RPAP1: variants seen among roughly 807,000 people sequenced by gnomAD.
RPAP1 encodes the protein RNA polymerase II associated protein 1.
Under a neutral mutation model 142.4 loss-of-function variants are expected in RPAP1, and 109 were observed. The ratio of observed to expected loss-of-function variants is 0.77; its 90% CI spans 0.66 to 0.90. The LOEUF (loss-of-function observed/expected upper bound fraction) is 0.90. RPAP1 is among the 40% of genes least tolerant of loss of function. The probability of loss-of-function intolerance (pLI) is 0.00; values close to 1 mark genes in which losing one functional copy is unlikely to be tolerated. For missense variants in RPAP1, 1,546 were observed against 1,751.7 expected (o/e 0.88, Z 2.10); for synonymous variants, 704 against 738.9 (o/e 0.95, Z 0.77).
rs765913236 is a variant in RPAP1 at position 41,523,967 on chromosome 15, G to T, written c.2240C>A (p.Ser747Tyr). ...GSTPAETISD[S>Y]AEASLSATPS... is the part of the protein sequence containing the mutation. ...GGTGGCCGAGAGGCTGGCCTCAGCAGAATCACTACAAAAGTGCCAAAGGGT... is the reference window on the plus strand; with the variant it reads ...GGTGGCCGAGAGGCTGGCCTCAGCATAATCACTACAAAAGTGCCAAAGGGT... Residue 747 changes from serine to tyrosine, a missense_variant, in exon 17 of 25, where the codon TCT (serine) becomes TAT (tyrosine). This residue lies in a region of RPAP1 where 1,333 missense variants were observed against 1,486.6 expected (regional missense o/e 0.90). Transcript: ENST00000304330. 13 of 1,613,346 alleles carry T rather than the reference G, an allele frequency of 8.1e-6. No homozygotes were observed. The highest frequency in any genetic ancestry group is 1.0e-5 in the Non-Finnish European group (12 of 1,179,654).
chr15:41,531,648 T>A (rs867152859), intron 6 of RPAP1, among the ~76,000 whole-genome samples: 8,046 of 77,494 alleles, frequency 0.1, 711 homozygotes, highest in Admixed American at 0.27. Context: ...TTTTTTTTTT[T>A]TTTTTTTTTT....
Position 41,523,889 on chromosome 15 carries a change from G to A in RPAP1, c.2318C>T (p.Pro773Leu), listed in dbSNP as rs749906184. ...QVSGLQPLVE[P>L]CLRQTLKLLS... Reference sequence around the variant, plus strand: ...CAACTTCAAGGTCTGCCTTAGACACGGCTCAACAAGAGGCTGGAGCCCAGA... The same window carrying A: ...CAACTTCAAGGTCTGCCTTAGACACAGCTCAACAAGAGGCTGGAGCCCAGA... The change falls in exon 17 of 25, where the codon CCG becomes CTG. Residue 773 changes from proline (P) to leucine (L), a missense_variant. Physicochemically the swap from Pro to Leu is moderately conservative, Grantham distance 98 (BLOSUM62 -3). Around this residue, in one of 3 missense-constraint regions of RPAP1, gnomAD observed 1,333 missense variants for 1,486.6 expected, o/e 0.90. Coordinates refer to ENST00000304330, the MANE Select transcript of RPAP1 (RefSeq NM_015540.4). 9 of 1,607,934 alleles carry A rather than the reference G, an allele frequency of 5.6e-6. No homozygotes were observed. Among genetic ancestry groups the A allele is most frequent in the South Asian group, 1.1e-5 (1 of 89,974 alleles).
intron 1 of RPAP1, among the ~76,000 whole-genome samples, chr15:41,543,371 G>A (rs2051990102): frequency 6.6e-6 from 1 of 151,812 alleles, no homozygotes; most frequent in Non-Finnish European, 1.5e-5. Flanking sequence ...CACCACGCCC[G>A]GCTAATTTTT....
At chr15:41,530,063 A>C in intron 7 of RPAP1, 84 bp from the exon 8 acceptor site, 1 of 970,172 alleles carries the variant, frequency 1.0e-6, no homozygotes, top group Non-Finnish European at 1.6e-6. Flanking sequence ...AGCAGCTGCC[A>C]CATCCACTTC....
At chr15:41,532,794 A>G (rs76756183) in intron 6 of RPAP1, among the ~76,000 whole-genome samples, 1 of 151,998 alleles carries the variant, frequency 6.6e-6, no homozygotes, top group Non-Finnish European at 1.5e-5. Context: ...CCTGGCCAAC[A>G]TGGTGAAACC....
chr15:41,539,996 G>A (rs2051955333), intron 1 of RPAP1, among the ~76,000 whole-genome samples: 1 of 152,012 alleles, frequency 6.6e-6, no homozygotes, highest in African/African-American at 2.4e-5. Flanking sequence ...TCGTACCACT[G>A]CACTCCAGCC....
intron 1 of RPAP1, among the ~76,000 whole-genome samples, chr15:41,541,744 G>A (rs796483377): frequency 2.6e-5 from 4 of 152,290 alleles, no homozygotes; most frequent in African/African-American, 9.6e-5. Flanking sequence ...CTACTGGGGA[G>A]GCTGAGGCAG....
rs1419832889 is a variant in RPAP1, at chr15:41,520,604, G to A, written c.3582C>T (p.Asn1194=). 1.9e-6 allele frequency: 3 copies of A among 1,614,250 alleles called. No homozygotes were observed. In the East Asian group the frequency reaches 6.7e-5, roughly 36 times the overall value. ...CAGGGAGTCGGCAGTCCAGGTTGAG[G>A]TTTGGCAAGACTTGAGGCTGACAGA... The part of the protein sequence containing the change: ...AQLCQPQVLP[N]LNLDCRLPGL... The change falls in exon 22 of 25, where the codon AAC becomes AAT. Residue 1194 remains asparagine, a synonymous_variant. Transcript: ENST00000304330.
rs771913163 is a variant in RPAP1, at chr15:41,520,700, C to T, written c.3486G>A (p.Val1162=). The change falls in exon 22 of 25, where the codon GTG becomes GTA. Residue 1162 remains valine, a synonymous_variant. Coordinates refer to ENST00000304330, the MANE Select transcript of RPAP1 (RefSeq NM_015540.4). ...PAARLARLMC[V]FLVDSELFRE... ...GGAACAGCTCACTGTCCACCAGGAA[C>T]ACACACATGAGCCGTGCCAGGCGGG... 1.9e-6 allele frequency: 3 copies of T among 1,614,106 alleles called. No individual in the cohort carries two copies. The Admixed American group carries it at 5.0e-5, about 27-fold the overall frequency.
chr15:41,532,886 G>A (rs1352347036), intron 6 of RPAP1, among the ~76,000 whole-genome samples: 2 of 145,376 alleles, frequency 1.4e-5, no homozygotes, highest in Non-Finnish European at 3.0e-5. Context: ...GGCTGAGGCA[G>A]GAAAATCGCT....
rs576971661 is a variant in RPAP1 at position 41,527,741 on chromosome 15, C to T, written c.1428+119G>A. On this transcript the variant is annotated intron_variant, in intron 11 of 24. Transcript: ENST00000304330. ...TAGGGACTTTAGGAGATGAGGGAGA[C>T]GCCTGCCATCCCATTCTACATCTTG... 192 of 1,465,092 alleles carry T rather than the reference C, an allele frequency of 1.3e-4. No homozygotes were observed. The African/African-American group carries it at 1.9e-3, about 14-fold the overall frequency. 90.8% of individuals were successfully genotyped at this position (1,465,092 alleles called of 1,614,324 possible).
At chr15:41,523,470 C>T (rs1020589233) in intron 17 of RPAP1, 116 bp from the exon 18 acceptor site, 2 of 712,034 alleles carry the variant, frequency 2.8e-6, no homozygotes, top group Non-Finnish European at 4.7e-6. Flanking sequence ...TTGGAGGCTT[C>T]TGCAGGCTGA....
Position 41,536,948 on chromosome 15 carries a change from C to T in RPAP1, c.178G>A (p.Asp60Asn). The stretch of plus-strand genomic sequence containing the variant: ...CCTCACATCCATGGGAACTCACTGT[C>T]CAACATCACCACATCCCGATGGTCC... The part of the protein sequence containing the change: ...LQDHRDVVML[D>N]NLPDLPPALV... The change falls in exon 2 of 25, where the codon GAC becomes AAC. Residue 60 changes from aspartate (D) to asparagine (N), a missense_variant. By Grantham distance (23) the Asp-to-Asn change is conservative. Around this residue, in one of 3 missense-constraint regions of RPAP1, gnomAD observed 1,333 missense variants for 1,486.6 expected, o/e 0.90. Coordinates refer to ENST00000304330, the MANE Select transcript of RPAP1 (RefSeq NM_015540.4). The T allele has an allele frequency of 6.2e-7, 1 of 1,613,726 alleles. No individual in the cohort carries two copies. Among genetic ancestry groups the T allele is most frequent in the South Asian group, 1.1e-5 (1 of 91,056 alleles).
rs201449094 is a variant in RPAP1, at chr15:41,531,164, T to A, written c.802A>T (p.Thr268Ser). The stretch of plus-strand genomic sequence containing the variant: ...GCTGTCTCTCCTGTTTGCTCTTGCG[T>A]GTGGCTGTGAGATCTCAAGAAAGCA... ...LVAFLRSHSH[T>S]QEQTGETASE... The change falls in exon 7 of 25, where the codon ACG becomes TCG. Residue 268 changes from threonine to serine, a missense_variant. Transcript: ENST00000304330. The A allele has an allele frequency of 4.5e-5, 72 of 1,613,456 alleles. No individual in the cohort carries two copies. Among genetic ancestry groups the A allele is most frequent in the South Asian group, 2.2e-4 (20 of 91,058 alleles).
rs182124938 is a variant in RPAP1, at chr15:41,529,649, C to T, written c.1060-81G>A. ...CCACTCCCCACCTTTAATCCCAGGCCTTTCAGGACTTAGGTACTGACTCTA... is the reference window on the plus strand; with the variant it reads ...CCACTCCCCACCTTTAATCCCAGGCTTTTCAGGACTTAGGTACTGACTCTA... On this transcript the variant is annotated intron_variant, in intron 8 of 24. Coordinates refer to ENST00000304330, the MANE Select transcript of RPAP1 (RefSeq NM_015540.4). The T allele has an allele frequency of 7.6e-5, 82 of 1,081,954 alleles. No individual in the cohort carries two copies. The African/African-American group carries it at 1.2e-3, about 16-fold the overall frequency. The allele number at this position is 1,081,954 out of a possible 1,614,324, so 67.0% of individuals were successfully genotyped here. A position where few individuals can be genotyped will look rare whatever the true frequency, so the allele number is the denominator to read the frequency against.
chr15:41,542,061 G>A (rs987876373), intron 1 of RPAP1, among the ~76,000 whole-genome samples: 9 of 152,226 alleles, frequency 5.9e-5, no homozygotes, highest in African/African-American at 1.9e-4. Context: ...TGGGCTGAGC[G>A]GTGTACAAGG....
intron 7 of RPAP1, among the ~76,000 whole-genome samples, chr15:41,530,616 G>T (rs1022944388): frequency 2.0e-5 from 3 of 152,184 alleles, no homozygotes; most frequent in African/African-American, 7.2e-5. Context: ...TAAGATCTTT[G>T]TCAGATTCTG....
chr15:41,543,004 C>A (rs552227445), intron 1 of RPAP1, among the ~76,000 whole-genome samples: 1 of 152,046 alleles, frequency 6.6e-6, no homozygotes, highest in Non-Finnish European at 1.5e-5. Flanking sequence ...AGAAACAATT[C>A]CTACTTATCC....
chr15:41,522,446 A>G, intron 19 of RPAP1, 196 bp from the exon 20 acceptor site: 1 of 614,992 alleles, frequency 1.6e-6, no homozygotes, highest in Admixed American at 3.0e-5. Flanking sequence ...GCTGCAGTGC[A>G]ATGGTGTGAT....
Sources: allele counts gnomAD v4.1 joint callset (sites outside exome capture counted in the v4.1 genomes callset), GRCh38; gene constraint gnomAD v4.1.1; regional missense constraint gnomAD v4.1.1; transcripts MANE v1.5; gene names NCBI Gene and HGNC (gene_info 2026-07-23, HGNC 2026-07-21).